GRM1: variants seen among roughly 807,000 people sequenced by gnomAD.
GRM1 encodes the protein metabotropic glutamate receptor 1.
GRM1 carries 33 observed loss-of-function variants against 90.9 expected under a neutral mutation model. The observed-to-expected ratio is 0.36, with a 90% CI of 0.28 to 0.49. The LOEUF (loss-of-function observed/expected upper bound fraction) is 0.49, where lower values mean the gene tolerates loss of function less well. Among genes scored for constraint, GRM1 ranks in the 20% least tolerant of loss-of-function variants. The pLI is 0.99. For synonymous variants in GRM1, 700 were observed against 613.2 expected (o/e 1.14, Z -2.09); for missense variants, 1,190 against 1,534.3 (o/e 0.78, Z 3.75).
At chr6:146,028,692 T>C (rs1412934846), upstream of GRM1, among the ~76,000 whole-genome samples, 1 of 152,138 alleles carries the variant, frequency 6.6e-6, no homozygotes, top group Non-Finnish European at 1.5e-5. Flanking sequence ...CAAATTTATA[T>C]TTACAGCTGA....
At chr6:146,033,830 A>T (rs1295634852) in intron 1 of GRM1, among the ~76,000 whole-genome samples, 1 of 152,052 alleles carries the variant, frequency 6.6e-6, no homozygotes. Flanking sequence ...ACATCAGAAA[A>T]AAGTCCTCCT....
chr6:146,135,708 A>G (rs190453658), intron 1 of GRM1, among the ~76,000 whole-genome samples: 194 of 152,126 alleles, frequency 1.3e-3, no homozygotes, highest in Non-Finnish European at 2.3e-3. Flanking sequence ...AGATATTTTG[A>G]AAGAGGCATA....
At chr6:146,153,218 A>C (rs919158908) in intron 1 of GRM1, among the ~76,000 whole-genome samples, 1 of 152,192 alleles carries the variant, frequency 6.6e-6, no homozygotes, top group African/African-American at 2.4e-5. Context: ...TCTATTAGAT[A>C]CTTGCAGTTG....
chr6:146,055,935 A>G (rs1455165759), intron 1 of GRM1, among the ~76,000 whole-genome samples: 3 of 152,134 alleles, frequency 2.0e-5, no homozygotes, highest in African/African-American at 7.2e-5. Context: ...TCAATTACTA[A>G]ATTGATTTGA....
chr6:146,384,253 G>T (rs185022389), intron 5 of GRM1, among the ~76,000 whole-genome samples: 1 of 152,144 alleles, frequency 6.6e-6, no homozygotes, highest in East Asian at 1.9e-4. Flanking sequence ...CATGTCAGCC[G>T]GCTGGAATTT....
At chr6:146,191,932 G>A (rs1442961983) in intron 2 of GRM1, among the ~76,000 whole-genome samples, 1 of 152,174 alleles carries the variant, frequency 6.6e-6, no homozygotes, top group African/African-American at 2.4e-5. Flanking sequence ...ACACAAACAA[G>A]CTGGGGAAAG....
chr6:146,042,279 G>T (rs1257211515), intron 1 of GRM1, among the ~76,000 whole-genome samples: 1 of 152,066 alleles, frequency 6.6e-6, no homozygotes, highest in Non-Finnish European at 1.5e-5. Flanking sequence ...TGGAAGGGCA[G>T]AAGCCAGGAG....
At chr6:146,325,571 T>C (rs1051409383) in intron 3 of GRM1, among the ~76,000 whole-genome samples, 1 of 152,218 alleles carries the variant, frequency 6.6e-6, no homozygotes, top group Non-Finnish European at 1.5e-5. Flanking sequence ...AGTGACAGTT[T>C]TCCAAGTCTA....
At chr6:146,206,885 T>C (rs1173377228) in intron 2 of GRM1, among the ~76,000 whole-genome samples, 1 of 152,180 alleles carries the variant, frequency 6.6e-6, no homozygotes, top group Non-Finnish European at 1.5e-5. Context: ...CTCCCACTTA[T>C]AAATAAGAAC....
chr6:146,104,873 A>G (rs565626310), intron 1 of GRM1, among the ~76,000 whole-genome samples: 2 of 152,236 alleles, frequency 1.3e-5, no homozygotes, highest in African/African-American at 4.8e-5. Context: ...TTAGTTAAAC[A>G]TGTAGTGCTT....
chr6:146,364,253 C>T (rs936224997), intron 5 of GRM1, among the ~76,000 whole-genome samples: 6 of 152,194 alleles, frequency 3.9e-5, no homozygotes, highest in African/African-American at 1.4e-4. Flanking sequence ...GTTTCTTTCT[C>T]CTCCAGTGCA....
intron 2 of GRM1, among the ~76,000 whole-genome samples, chr6:146,202,069 C>A (rs566377230): frequency 3.9e-5 from 6 of 152,288 alleles, no homozygotes; most frequent in South Asian, 2.1e-4. Context: ...CTCTGATAGC[C>A]AGAGAGTGCA....
At chr6:146,059,612 C>T (rs897724340) in intron 1 of GRM1, among the ~76,000 whole-genome samples, 1 of 152,126 alleles carries the variant, frequency 6.6e-6, no homozygotes, top group African/African-American at 2.4e-5. Flanking sequence ...TTGGAGCTAG[C>T]ATCGACTTCT....
intron 1 of GRM1, among the ~76,000 whole-genome samples, chr6:146,066,851 C>T (rs1775867027): frequency 6.6e-6 from 1 of 151,896 alleles, no homozygotes; most frequent in Non-Finnish European, 1.5e-5. Context: ...AAATGTGGGA[C>T]ATTTAGGGAA....
intron 5 of GRM1, among the ~76,000 whole-genome samples, chr6:146,376,775 C>G (rs1378505199): frequency 2.6e-5 from 4 of 152,062 alleles, no homozygotes; most frequent in African/African-American, 9.7e-5. Flanking sequence ...TCAAACTGCT[C>G]AGAGTTCTAT....
At chr6:146,034,130 G>C (rs1790801226) in intron 1 of GRM1, among the ~76,000 whole-genome samples, 1 of 152,044 alleles carries the variant, frequency 6.6e-6, no homozygotes, top group Non-Finnish European at 1.5e-5. Context: ...TTTCTAATTA[G>C]AGTAGGAGTA....
rs1317022543 is a variant in GRM1 at position 146,107,236 on chromosome 6, T to C, written c.701-52112T>C. Among the ~76,000 whole-genome samples the C allele has an allele frequency of 2.0e-5, 3 of 152,188 alleles. No individual in the cohort carries two copies. The South Asian group carries it at 6.2e-4, about 32-fold the overall frequency. The stretch of plus-strand genomic sequence containing the variant: ...ATATTTATGTCAAATACTACTATTA[T>C]TGTATATAAGACAAAGTAAAGAAAT... On this transcript the variant is annotated intron_variant, in intron 1 of 7. Coordinates refer to ENST00000282753, the MANE Select transcript of GRM1 (RefSeq NM_001278064.2).
At chr6:146,192,339 A>G (rs1465411361) in intron 2 of GRM1, among the ~76,000 whole-genome samples, 1 of 152,156 alleles carries the variant, frequency 6.6e-6, no homozygotes, top group East Asian at 1.9e-4. Context: ...ATGGAGGAAA[A>G]TGTTACCCTG....
rs753498777 is a variant in GRM1, at chr6:146,398,922, G to A, written c.1883G>A (p.Arg628Gln). The change falls in exon 7 of 8, where the codon CGG (arginine) becomes CAG (glutamine). Residue 628 changes from arginine (R) to glutamine (Q), a missense_variant. Arg to Gln is a conservative substitution (Grantham distance 43). This residue lies in a region of GRM1 where 414 missense variants were observed against 598.4 expected (regional missense o/e 0.69). Transcript: ENST00000282753. ...RDTPVVKSSS[R>Q]ELCYIILAGI... ...ACACCAGTGGTCAAATCCTCCAGTC[G>A]GGAGCTCTGCTACATCATCCTAGCT... 5.0e-6 allele frequency: 8 copies of A among 1,613,958 alleles called. No individual in the cohort carries two copies. Among genetic ancestry groups the A allele is most frequent in the Non-Finnish European group, 6.8e-6 (8 of 1,179,966 alleles).
Sources: gnomAD v4.1 joint callset for allele counts (sites outside exome capture counted in the v4.1 genomes callset) on GRCh38, gnomAD v4.1.1 for gene constraint, gnomAD v4.1.1 regional missense constraint, MANE v1.5 for transcripts, NCBI Gene and HGNC (gene_info 2026-07-23, HGNC 2026-07-21) for gene names.